Variants in SENP5 observed in about 807,000 individuals in gnomAD.
The protein encoded by SENP5 is SUMO specific peptidase 5.
In SENP5, 21 loss-of-function variants were observed where a neutral mutation model predicts 74.2. The ratio of observed to expected loss-of-function variants is 0.28; its 90% CI spans 0.20 to 0.41. SENP5 has a LOEUF of 0.41. Among genes scored for constraint, SENP5 ranks in the 10% least tolerant of loss-of-function variants. The pLI is 1.00. For missense variants in SENP5, 717 were observed against 889.1 expected, an observed-to-expected ratio of 0.81 and a Z score of 2.46; for synonymous variants, 311 against 312.7, an observed-to-expected ratio of 0.99 and a Z score of 0.06.
chr3:196,871,644 G>C (rs568563261), intron 1 of SENP5, among the ~76,000 whole-genome samples: 7 of 152,166 alleles, frequency 4.6e-5, no homozygotes, highest in Admixed American at 2.6e-4. Flanking sequence ...TTGATCACCT[G>C]AGGTCAGGAG....
At chr3:196,901,484 G>C (rs1196704158) in intron 5 of SENP5, among the ~76,000 whole-genome samples, 1 of 152,052 alleles carries the variant, frequency 6.6e-6, no homozygotes, top group Non-Finnish European at 1.5e-5. Flanking sequence ...TCTCTTAAGA[G>C]TTTTGTTACA....
intron 6 of SENP5, among the ~76,000 whole-genome samples, chr3:196,910,288 A>T (rs1715067690): frequency 6.8e-6 from 1 of 146,818 alleles, no homozygotes; most frequent in African/African-American, 2.5e-5. Context: ...ATCCTCGTGG[A>T]TAGGAAGAAC....
Position 196,885,523 on chromosome 3 carries a change from C to T in SENP5, c.342C>T (p.Leu114=). The T allele has an allele frequency of 6.2e-7, 1 of 1,614,120 alleles. No individual in the cohort carries two copies. Among genetic ancestry groups the T allele is most frequent in the Non-Finnish European group, 8.5e-7 (1 of 1,180,030 alleles). The change falls in exon 2 of 10, where the codon CTC becomes CTT. Residue 114 remains leucine (L), a synonymous_variant. Transcript: ENST00000323460. ...CCTCCTCAAAGACTCTCCTGAGACT[C>T]CAAGCAGAGAAGCTGTTGTCATCAG... ...FISSSKTLLR[L]QAEKLLSSAK...
chr3:196,870,292 G>T (rs76017829), intron 1 of SENP5, among the ~76,000 whole-genome samples: 2,074 of 152,036 alleles, frequency 0.014, 28 homozygotes, highest in Non-Finnish European at 0.025. Flanking sequence ...CTTTTTTTGG[G>T]CGTGGGTAAT....
rs1268966567 is a variant in SENP5, at chr3:196,930,872, A to G, written c.2217A>G (p.Arg739=). The G allele has an allele frequency of 6.2e-7, 1 of 1,614,078 alleles. No homozygotes were observed. The highest frequency in any genetic ancestry group is 1.1e-5 in the South Asian group (1 of 91,082). ...AGTTTTCACAAGAAGACATGCCCCG[A>G]GTGCGGAAGAGGATTTACAAGGAGC... The part of the protein sequence containing the change: ...PFQFSQEDMP[R]VRKRIYKELC... The change falls in exon 10 of 10, where the codon CGA becomes CGG. Residue 739 remains arginine (R), a synonymous_variant. Transcript: ENST00000323460.
rs869108574 is a variant in SENP5 at position 196,910,335 on chromosome 3, CTTTTTTTTTTTTTT to C, written c.1884+6741_1884+6754del. 2.8e-3 allele frequency among the ~76,000 whole-genome samples: 143 copies of C among 51,374 alleles called. 3 individuals are homozygous for C. Among genetic ancestry groups the C allele is most frequent in the Non-Finnish European group, 3.6e-3 (113 of 31,424 alleles). The allele number at this position is 51,374 out of a possible 152,430, so 33.7% of individuals were successfully genotyped here. A position where few individuals can be genotyped will look rare whatever the true frequency, so the allele number is the denominator to read the frequency against. ...AAATGGCCATACTGCCCAAAGTAATCTTTTTTTTTTTTTTTTTTTTTTTTTTTTTGAGATGGAGT... is the reference window on the plus strand; with the variant it reads ...AAATGGCCATACTGCCCAAAGTAATCTTTTTTTTTTTTTTTGAGATGGAGT... On this transcript the variant is annotated intron_variant, in intron 6 of 9. Coordinates refer to ENST00000323460, the MANE Select transcript of SENP5 (RefSeq NM_152699.5).
chr3:196,891,681 C>T (rs1227154815), intron 2 of SENP5, among the ~76,000 whole-genome samples: 2 of 152,200 alleles, frequency 1.3e-5, no homozygotes, highest in Non-Finnish European at 2.9e-5. Flanking sequence ...TGCCTGTAGT[C>T]CCAGCTCCTC....
intron 2 of SENP5, among the ~76,000 whole-genome samples, chr3:196,888,499 G>A (rs544376713): frequency 2.0e-5 from 3 of 152,064 alleles, no homozygotes; most frequent in African/African-American, 7.2e-5. Context: ...AGGGAGAATC[G>A]CTTGAACCTG....
In SENP5 at chr3:196,885,918, T is replaced by C; in HGVS notation, c.737T>C (p.Leu246Pro). 6.2e-7 allele frequency: 1 copy of C among 1,613,984 alleles called. No individual in the cohort carries two copies. The highest frequency in any genetic ancestry group is 8.5e-7 in the Non-Finnish European group (1 of 1,180,012). ...ATGATTAGATTTCGGTACAGGATTC[T>C]CAGATCCCAGCACTTCAGAACCAAA... ...LSMIRFRYRI[L>P]RSQHFRTKSK... Residue 246 changes from leucine to proline, a missense_variant, in exon 2 of 10, where the codon CTC becomes CCC. Transcript: ENST00000323460.
intron 9 of SENP5, 105 bp downstream of exon 9, chr3:196,929,788 G>A (rs1447341777): frequency 6.6e-6 from 5 of 760,410 alleles, no homozygotes; most frequent in Non-Finnish European, 1.2e-5. Flanking sequence ...TGCTAGGTAC[G>A]AGCAACGGAG....
intron 6 of SENP5, among the ~76,000 whole-genome samples, chr3:196,907,249 G>A (rs74751825): frequency 0.14 from 20,901 of 151,886 alleles, 1,732 homozygotes; most frequent in Middle Eastern, 0.21. Flanking sequence ...CGAGGCAGGC[G>A]GATCACGAGG....
chr3:196,915,025 A>G (rs924580460), intron 6 of SENP5, among the ~76,000 whole-genome samples: 19 of 152,196 alleles, frequency 1.2e-4, no homozygotes, highest in Non-Finnish European at 1.8e-4. Context: ...GCCAGCACCC[A>G]TGGAGGGAGC....
intron 2 of SENP5, among the ~76,000 whole-genome samples, chr3:196,888,590 AAAAG>A (rs1279383734): frequency 2.4e-4 from 36 of 151,970 alleles, no homozygotes; most frequent in Non-Finnish European, 3.8e-4. Context: ...TCACAAAAAA[AAAAG>A]AAAGAAAAAA....
chr3:196,932,601 A>G lies in SENP5; in HGVS notation c.*1678A>G, dbSNP rs1301024047. 6.6e-6 allele frequency: 1 copy of G among 152,166 alleles called. No individual in the cohort carries two copies. Among genetic ancestry groups the G allele is most frequent in the Non-Finnish European group, 1.5e-5 (1 of 68,036 alleles). 9.4% of individuals were successfully genotyped at this position (152,166 alleles called of 1,614,324 possible). A position where few individuals can be genotyped will look rare whatever the true frequency, so the allele number is the denominator to read the frequency against. On this transcript the variant is annotated 3_prime_UTR_variant, in exon 10 of 10. Coordinates refer to ENST00000323460, the MANE Select transcript of SENP5 (RefSeq NM_152699.5). ...GAGAGTAGAGGCACTTTATGCTGCTATAGGTGGGGTTCTGTCAGCGTTAGG... is the reference window on the plus strand; with the variant it reads ...GAGAGTAGAGGCACTTTATGCTGCTGTAGGTGGGGTTCTGTCAGCGTTAGG...
At chr3:196,897,181 T>C (rs966581256) in intron 2 of SENP5, among the ~76,000 whole-genome samples, 3 of 149,512 alleles carry the variant, frequency 2.0e-5, no homozygotes, top group Admixed American at 6.7e-5. Context: ...ATTTTTATTG[T>C]TGTTAGGGGT....
chr3:196,898,547 A>G (rs1384823102), intron 2 of SENP5, among the ~76,000 whole-genome samples: 2 of 151,816 alleles, frequency 1.3e-5, no homozygotes, highest in Non-Finnish European at 2.9e-5. Context: ...GTGAGCTATG[A>G]TTGTGTTACT....
intron 2 of SENP5, among the ~76,000 whole-genome samples, chr3:196,893,036 T>G (rs1714280406): frequency 6.6e-6 from 1 of 152,212 alleles, no homozygotes; most frequent in South Asian, 2.1e-4. Flanking sequence ...CTGATTTTAT[T>G]GTCTTTGAAA....
chr3:196,881,343 T>G (rs1713719131), intron 1 of SENP5, among the ~76,000 whole-genome samples: 1 of 152,226 alleles, frequency 6.6e-6, no homozygotes, highest in Non-Finnish European at 1.5e-5. Context: ...TCAGGTAAAT[T>G]CCTTAAAGTG....
At chr3:196,921,741 T>C (rs1715627755) in intron 6 of SENP5, among the ~76,000 whole-genome samples, 1 of 152,182 alleles carries the variant, frequency 6.6e-6, no homozygotes, top group Non-Finnish European at 1.5e-5. Context: ...GCTTAAGTGA[T>C]TTTGCTCCAA....
Sources: gnomAD v4.1 joint callset for allele counts (sites outside exome capture counted in the v4.1 genomes callset) on GRCh38, gnomAD v4.1.1 for gene constraint, MANE v1.5 for transcripts, NCBI Gene and HGNC (gene_info 2026-07-23, HGNC 2026-07-21) for gene names.